The following ADCY2 variants were observed in gnomAD, a reference collection of about 807,000 sequenced individuals.
The protein encoded by ADCY2 is adenylate cyclase 2, also known as adenylate cyclase type 2.
A neutral mutation model predicts 125.2 loss-of-function variants in ADCY2; 31 were observed. That is an observed-to-expected ratio of 0.25 (90% CI 0.19 to 0.33). The LOEUF is 0.33. Among genes scored for constraint, ADCY2 ranks in the 10% least tolerant of loss-of-function variants. The probability of loss-of-function intolerance (pLI) is 1.00; values close to 1 mark genes in which losing one functional copy is unlikely to be tolerated. For synonymous variants in ADCY2, 512 were observed against 548.4 expected (o/e 0.93, Z 0.93); for missense variants, 904 against 1,418.2 (o/e 0.64, Z 5.82).
intron 1 of ADCY2, among the ~76,000 whole-genome samples, chr5:7,410,204 G>A (rs191095055): frequency 7.2e-5 from 11 of 151,940 alleles, no homozygotes; most frequent in Admixed American, 1.3e-4. Flanking sequence ...ATGGAAATTG[G>A]TTTCTACCTT....
intron 2 of ADCY2, among the ~76,000 whole-genome samples, chr5:7,501,134 A>T (rs1026789739): frequency 1.4e-5 from 2 of 147,060 alleles, no homozygotes; most frequent in African/African-American, 2.6e-5. Flanking sequence ...TTTTTTTTAA[A>T]AAAAAAAAAA....
chr5:7,590,570 T>TA (rs200717325), intron 3 of ADCY2, among the ~76,000 whole-genome samples: 154 of 143,660 alleles, frequency 1.1e-3, no homozygotes, highest in African/African-American at 2.3e-3. Flanking sequence ...GTGACCATGT[T>TA]AAAAAAAAAA....
intron 14 of ADCY2, 104 bp from the exon 15 acceptor site, chr5:7,743,564 C>A: frequency 1.0e-6 from 1 of 969,778 alleles, no homozygotes; most frequent in South Asian, 1.5e-5. Context: ...GGATTGCAGT[C>A]TGCATTTAAT....
At chr5:7,634,889 T>C (rs898572556) in intron 4 of ADCY2, among the ~76,000 whole-genome samples, 13 of 152,192 alleles carry the variant, frequency 8.5e-5, no homozygotes, top group African/African-American at 3.1e-4. Flanking sequence ...GCATGGTGGC[T>C]GGAGAAGACC....
intron 18 of ADCY2, among the ~76,000 whole-genome samples, chr5:7,774,046 G>T (rs189183282): frequency 1.3e-5 from 2 of 152,252 alleles, no homozygotes; most frequent in Admixed American, 6.5e-5. Flanking sequence ...TAATATAAAT[G>T]CCTTAAATAT....
intron 14 of ADCY2, among the ~76,000 whole-genome samples, chr5:7,735,517 G>A (rs1328187110): frequency 6.6e-6 from 1 of 152,078 alleles, no homozygotes; most frequent in Non-Finnish European, 1.5e-5. Context: ...ATAGTTTGTT[G>A]AGTTTTTTCA....
chr5:7,764,844 A>C (rs1743332381), intron 16 of ADCY2, among the ~76,000 whole-genome samples: 1 of 152,218 alleles, frequency 6.6e-6, no homozygotes, highest in Non-Finnish European at 1.5e-5. Context: ...GACTGGCTAC[A>C]ATTAGGGAAT....
chr5:7,441,417 GT>G lies in ADCY2; in HGVS notation c.408+26657del, dbSNP rs60283566. Among the ~76,000 whole-genome samples the G allele has an allele frequency of 9.1e-3, 1,346 of 148,162 alleles. 19 individuals carry two copies. Among genetic ancestry groups the G allele is most frequent in the African/African-American group, 0.03 (1,223 of 40,412 alleles). ...TTGATGAAATTTAATTATTTTTAGT[GT>G]TTTTTTTTTAAATAATCAGTCAATA... On this transcript the variant is annotated intron_variant, in intron 2 of 24. Transcript: ENST00000338316.
chr5:7,520,798 G>T lies in ADCY2; in HGVS notation c.469G>T (p.Asp157Tyr), dbSNP rs776936099. Residue 157 changes from aspartate (D) to tyrosine (Y), a missense_variant, in exon 3 of 25, where the codon GAC becomes TAC. Coordinates refer to ENST00000338316, the MANE Select transcript of ADCY2 (RefSeq NM_020546.3). ...CACCATGCTGCCCTTCAACATGCGA[G>T]ACGCCATCATTGCCAGCGTCCTCAC... ...VYTMLPFNMR[D>Y]AIIASVLTSS... 3 of 1,614,144 alleles carry T rather than the reference G, an allele frequency of 1.9e-6. No individual in the cohort carries two copies. In the South Asian group the frequency reaches 3.3e-5, roughly 18 times the overall value.
intron 15 of ADCY2, among the ~76,000 whole-genome samples, chr5:7,752,128 G>A (rs6875924): frequency 0.35 from 53,595 of 152,006 alleles, 10,487 homozygotes; most frequent in Non-Finnish European, 0.44. Context: ...CACCCAGGGC[G>A]AAAAGAAGAA....
intron 3 of ADCY2, among the ~76,000 whole-genome samples, chr5:7,571,033 T>G (rs1478528416): frequency 1.3e-5 from 2 of 152,174 alleles, no homozygotes; most frequent in African/African-American, 2.4e-5. Context: ...TTGGAAGCAA[T>G]AACTTACACT....
chr5:7,746,183 C>T (rs535741444), intron 15 of ADCY2: 1 of 152,550 alleles, frequency 6.6e-6, no homozygotes, highest in South Asian at 2.1e-4. Flanking sequence ...GATTTCAATG[C>T]TACAAATGCA....
chr5:7,690,006 G>A (rs927623916), intron 4 of ADCY2, among the ~76,000 whole-genome samples: 2 of 152,108 alleles, frequency 1.3e-5, no homozygotes, highest in African/African-American at 4.8e-5. Flanking sequence ...GTTAAAATGA[G>A]TACAATATTG....
chr5:7,559,464 T>G (rs1192984371), intron 3 of ADCY2, among the ~76,000 whole-genome samples: 1 of 152,212 alleles, frequency 6.6e-6, no homozygotes, highest in East Asian at 1.9e-4. Flanking sequence ...GTTTGTGATT[T>G]GGCTCTCAGC....
chr5:7,517,097 C>T (rs1391134994), intron 2 of ADCY2, among the ~76,000 whole-genome samples: 3 of 152,060 alleles, frequency 2.0e-5, no homozygotes, highest in African/African-American at 7.2e-5. Context: ...GCTTGAGATG[C>T]AAGTAGAAGA....
intron 23 of ADCY2, among the ~76,000 whole-genome samples, chr5:7,818,287 T>C (rs1745181169): frequency 6.6e-6 from 1 of 152,188 alleles, no homozygotes; most frequent in African/African-American, 2.4e-5. Flanking sequence ...CTTTCACAAA[T>C]GAGATGTGTT....
chr5:7,420,699 T>C (rs1048269597), intron 2 of ADCY2, among the ~76,000 whole-genome samples: 7 of 152,210 alleles, frequency 4.6e-5, no homozygotes, highest in African/African-American at 1.7e-4. Context: ...GAGTGAAGTC[T>C]GCGCAGTAAC....
intron 2 of ADCY2, among the ~76,000 whole-genome samples, chr5:7,484,676 A>C (rs551086661): frequency 1.3e-5 from 2 of 152,192 alleles, no homozygotes; most frequent in East Asian, 3.9e-4. Context: ...TTTCTATCAT[A>C]AACTATGACA....
intron 4 of ADCY2, among the ~76,000 whole-genome samples, chr5:7,668,897 C>T (rs1000140180): frequency 6.6e-6 from 1 of 152,168 alleles, no homozygotes; most frequent in Non-Finnish European, 1.5e-5. Flanking sequence ...GCCTGAAATC[C>T]ACCATAGCTC....
Sources: gnomAD v4.1 joint callset for allele counts (sites outside exome capture counted in the v4.1 genomes callset) on GRCh38, gnomAD v4.1.1 for gene constraint, MANE v1.5 for transcripts, NCBI Gene and HGNC (gene_info 2026-07-23, HGNC 2026-07-21) for gene names.